Variants in RICTOR observed in about 807,000 individuals in gnomAD.
RICTOR encodes RPTOR independent companion of MTOR complex 2.
A neutral mutation model predicts 214.9 loss-of-function variants in RICTOR; 49 were observed. The observed-to-expected ratio is 0.23, with a 90% CI of 0.18 to 0.29. The LOEUF (loss-of-function observed/expected upper bound fraction) is 0.29, where lower values mean the gene tolerates loss of function less well. RICTOR is among the 10% of genes least tolerant of loss of function. The pLI, the probability that RICTOR is intolerant of heterozygous loss-of-function variation, is 1.00. For missense variants in RICTOR, 1,625 were observed against 2,047.0 expected (o/e 0.79, Z 3.98); for synonymous variants, 717 against 711.3 (o/e 1.01, Z -0.13).
At chr5:39,066,711 T>C (rs1758930426) in intron 2 of RICTOR, among the ~76,000 whole-genome samples, 1 of 152,260 alleles carries the variant, frequency 6.6e-6, no homozygotes, top group Admixed American at 6.5e-5. Context: ...AACACTTTGC[T>C]GCTTAGACAT....
rs191931719 is a variant in RICTOR, at chr5:38,944,395, G to T, written c.4913+51C>A. 4 of 1,554,498 alleles carry T rather than the reference G, an allele frequency of 2.6e-6. No homozygotes were observed. The South Asian group carries it at 3.5e-5, about 14-fold the overall frequency. ...TGAAGTATTTCAAGTATCTTTTCTCGACTTAAAAAACAGAATAAACAAATA... is the reference window on the plus strand; with the variant it reads ...TGAAGTATTTCAAGTATCTTTTCTCTACTTAAAAAACAGAATAAACAAATA... On this transcript the variant is annotated intron_variant, in intron 36 of 37. Coordinates refer to ENST00000357387, the MANE Select transcript of RICTOR (RefSeq NM_152756.5).
In RICTOR at chr5:38,947,552, T is replaced by TA. The variant is rs1748344496; in HGVS notation, c.4137-112dup. On this transcript the variant is annotated intron_variant, in intron 31 of 37. Transcript: ENST00000357387. ...CATAAAAGACAAGTAGCTAGTCATGTATTAAGCAGTGTCATCTTGTTTACT... is the reference window on the plus strand; with the variant it reads ...CATAAAAGACAAGTAGCTAGTCATGTAATTAAGCAGTGTCATCTTGTTTACT... 5 of 734,406 alleles carry TA rather than the reference T, an allele frequency of 6.8e-6. No homozygotes were observed. In the South Asian group the frequency reaches 9.5e-5, roughly 14 times the overall value. 45.5% of individuals were successfully genotyped at this position (734,406 alleles called of 1,614,324 possible). A position where few individuals can be genotyped will look rare whatever the true frequency, so the allele number is the denominator to read the frequency against.
chr5:39,006,495 A>G (rs1349172997), intron 3 of RICTOR, among the ~76,000 whole-genome samples: 1 of 152,006 alleles, frequency 6.6e-6, no homozygotes, highest in Non-Finnish European at 1.5e-5. Context: ...AAGTGCTAAT[A>G]TTCTTTCTCA....
chr5:39,053,223 T>C (rs1199198576), intron 2 of RICTOR, among the ~76,000 whole-genome samples: 9 of 152,340 alleles, frequency 5.9e-5, no homozygotes, highest in Admixed American at 4.6e-4. Flanking sequence ...ATTTAATAAG[T>C]AGCTAAATCC....
chr5:38,950,170 T>C lies in RICTOR; in HGVS notation c.3678A>G (p.Thr1226=). 6.2e-7 allele frequency: 1 copy of C among 1,613,556 alleles called. No individual in the cohort carries two copies. The highest frequency in any genetic ancestry group is 8.5e-7 in the Non-Finnish European group (1 of 1,179,646). ...TTGAGCTCATTGAACTTATGCCACT[T>C]GTTGTAGTGTCTGTATTGAAACTTT... ...RSQSFNTDTT[T]SGISSMSSSP... is the part of the protein sequence containing the mutation. The change falls in exon 31 of 38, where the codon ACA becomes ACG. Residue 1226 remains threonine (T), a synonymous_variant. Transcript: ENST00000357387.
At chr5:38,980,967 A>C (rs1394937495) in intron 8 of RICTOR, 1 of 152,216 alleles carries the variant, frequency 6.6e-6, no homozygotes, top group African/African-American at 2.4e-5. Context: ...CATATTATAA[A>C]ATATCAACAG....
intron 2 of RICTOR, among the ~76,000 whole-genome samples, chr5:39,060,124 T>A (rs766926183): frequency 6.6e-6 from 1 of 152,092 alleles, no homozygotes; most frequent in African/African-American, 2.4e-5. Context: ...AATCCTACTA[T>A]CCATATTACA....
intron 2 of RICTOR, among the ~76,000 whole-genome samples, chr5:39,037,689 C>T (rs1017241144): frequency 3.3e-5 from 5 of 152,180 alleles, no homozygotes; most frequent in Admixed American, 6.5e-5. Context: ...ACTATAAACA[C>T]CTCTATGCAA....
intron 2 of RICTOR, among the ~76,000 whole-genome samples, chr5:39,040,683 T>G (rs1343362674): frequency 6.6e-6 from 1 of 151,996 alleles, no homozygotes; most frequent in Non-Finnish European, 1.5e-5. Flanking sequence ...TATTCCATAA[T>G]TTTATTACTT....
intron 2 of RICTOR, among the ~76,000 whole-genome samples, chr5:39,070,933 T>C (rs1025235733): frequency 1.2e-4 from 19 of 152,216 alleles, no homozygotes; most frequent in Non-Finnish European, 2.4e-4. Flanking sequence ...AGTAGTTGTC[T>C]GAACAAAACT....
At chr5:38,947,493 A>C (rs1342017548) in intron 31 of RICTOR, 52 bp from the exon 32 acceptor site, 2 of 1,298,198 alleles carry the variant, frequency 1.5e-6, no homozygotes, top group South Asian at 1.2e-5. Context: ...CTGTAATTTT[A>C]ATCATATGAA....
Position 39,032,804 on chromosome 5 carries a change from G to A in RICTOR, c.98-11668C>T, listed in dbSNP as rs557695086. 1.0e-3 allele frequency among the ~76,000 whole-genome samples: 155 copies of A among 152,262 alleles called. 1 individual carries two copies. The highest frequency in any genetic ancestry group is 1.8e-3 in the Non-Finnish European group (122 of 68,026). On this transcript the variant is annotated intron_variant, in intron 2 of 37. Coordinates refer to ENST00000357387, the MANE Select transcript of RICTOR (RefSeq NM_152756.5). ...AGCACTTCTTGAGAGGCAATGATAC[G>A]GACAGAGACAGAGCAACATGGACAG...
At position 39,070,342 on chromosome 5, in the gene RICTOR, G is replaced by A. The variant is rs1024870436; in HGVS notation, c.97+3769C>T. Among the ~76,000 whole-genome samples the A allele has an allele frequency of 4.6e-5, 7 of 152,150 alleles. No homozygotes were observed. The South Asian group carries it at 8.3e-4, about 18-fold the overall frequency. Reference sequence around the variant, plus strand: ...AAATTAGCCGGGCGCGGTGGCGGGCGCCTGTAGTCCCAGCTACTCGGGAGG... The same window carrying A: ...AAATTAGCCGGGCGCGGTGGCGGGCACCTGTAGTCCCAGCTACTCGGGAGG... On this transcript the variant is annotated intron_variant, in intron 2 of 37. Coordinates refer to ENST00000357387, the MANE Select transcript of RICTOR (RefSeq NM_152756.5).
chr5:38,949,311 A>T, intron 31 of RICTOR: 2 of 1,247,896 alleles, frequency 1.6e-6, no homozygotes, highest in Non-Finnish European at 2.2e-6. Context: ...ATCTTTTTAA[A>T]AAAATAATAA....
In RICTOR at chr5:39,028,175, C is replaced by CTTTTT. The variant is rs70982535; in HGVS notation, c.98-7044_98-7040dup. Among the ~76,000 whole-genome samples the CTTTTT allele has an allele frequency of 1.8e-3, 143 of 78,440 alleles. 3 individuals carry two copies. The highest frequency in any genetic ancestry group is 4.1e-3 in the African/African-American group (79 of 19,392). 51.5% of individuals were successfully genotyped at this position (78,440 alleles called of 152,430 possible). ...GAGAGGCCATGGAGCAACTGGAATT[C>CTTTTT]TTTTTTTTTTTTTTTTTTTTTTTTT... is the stretch of plus-strand genomic sequence containing the variant. On this transcript the variant is annotated intron_variant, in intron 2 of 37. Coordinates refer to ENST00000357387, the MANE Select transcript of RICTOR (RefSeq NM_152756.5).
Position 38,938,320 on chromosome 5 carries a change from A to G in RICTOR, c.*3984T>C, listed in dbSNP as rs146274682. On this transcript the variant is annotated 3_prime_UTR_variant, in exon 38 of 38. Coordinates refer to ENST00000357387, the MANE Select transcript of RICTOR (RefSeq NM_152756.5). ...CAATTCCTTACCACTTTTCAAAACT[A>G]GTTTACACCATTTGTTTTACAATGC... 1,106 of 228,052 alleles carry G rather than the reference A, an allele frequency of 4.8e-3. 16 individuals are homozygous for G. The highest frequency in any genetic ancestry group is 0.021 in the African/African-American group (940 of 45,144). 14.1% of individuals were successfully genotyped at this position (228,052 alleles called of 1,614,324 possible). A position where few individuals can be genotyped will look rare whatever the true frequency, so the allele number is the denominator to read the frequency against.
At chr5:38,996,226 T>C (rs1682212109) in intron 6 of RICTOR, among the ~76,000 whole-genome samples, 1 of 152,252 alleles carries the variant, frequency 6.6e-6, no homozygotes, top group African/African-American at 2.4e-5. Flanking sequence ...TTACTCTCAG[T>C]TCACTCTCTT....
chr5:39,004,361 T>C (rs1181246941), intron 3 of RICTOR, among the ~76,000 whole-genome samples: 2 of 152,332 alleles, frequency 1.3e-5, no homozygotes, highest in East Asian at 3.9e-4. Flanking sequence ...GCTGCTATTT[T>C]CCTCCAACAG....
At chr5:39,053,445 T>C (rs12233987) in intron 2 of RICTOR, among the ~76,000 whole-genome samples, 57,755 of 152,056 alleles carry the variant, frequency 0.38, 11,223 homozygotes, top group East Asian at 0.47. Context: ...CAACGGCTCA[T>C]GTATCTGCCA....
Sources: allele counts gnomAD v4.1 joint callset (sites outside exome capture counted in the v4.1 genomes callset), GRCh38; gene constraint gnomAD v4.1.1; transcripts MANE v1.5; gene names NCBI Gene and HGNC (gene_info 2026-07-23, HGNC 2026-07-21).